The following PROCR variants were observed in gnomAD, a reference collection of about 807,000 sequenced individuals.
The protein encoded by PROCR is endothelial protein C receptor.
In PROCR, 22 loss-of-function variants were observed where a neutral mutation model predicts 24.2. The observed-to-expected ratio is 0.91, with a 90% CI of 0.65 to 1.30. PROCR has a LOEUF of 1.30. PROCR is among the 50% of genes most tolerant of loss of function. The pLI, the probability that PROCR is intolerant of heterozygous loss-of-function variation, is 0.00. For synonymous variants in PROCR, 137 were observed against 139.2 expected (o/e 0.98, Z 0.11); for missense variants, 288 against 307.7 (o/e 0.94, Z 0.48).
intron 1 of PROCR, among the ~76,000 whole-genome samples, chr20:35,212,902 T>C: frequency 6.6e-6 from 1 of 152,266 alleles, no homozygotes; most frequent in East Asian, 1.9e-4. Flanking sequence ...TGTTTTATCA[T>C]GCCCTCTTTA....
At position 35,177,253 on chromosome 20, in the gene PROCR, G is replaced by T; in HGVS notation, c.*440G>T. ...TGGGATGGGACGCTGATATAATAGG[G>T]TAGAAAGAAGTAACACGAAGAAGTG... On this transcript the variant is annotated 3_prime_UTR_variant, in exon 4 of 4. Transcript: ENST00000216968. 2 of 1,021,650 alleles carry T rather than the reference G, an allele frequency of 2.0e-6. No individual in the cohort carries two copies. Among genetic ancestry groups the T allele is most frequent in the Non-Finnish European group, 2.4e-6 (2 of 850,570 alleles). 63.3% of individuals were successfully genotyped at this position (1,021,650 alleles called of 1,614,324 possible). A position where few individuals can be genotyped will look rare whatever the true frequency, so the allele number is the denominator to read the frequency against.
At chr20:35,171,165 T>G (rs2085947635), upstream of PROCR, among the ~76,000 whole-genome samples, 1 of 152,284 alleles carries the variant, frequency 6.6e-6, no homozygotes, top group South Asian at 2.1e-4. Context: ...CCTCCCAAAG[T>G]GCCAGCAGCA....
intron 1 of PROCR, among the ~76,000 whole-genome samples, chr20:35,197,430 C>T (rs753642339): frequency 2.0e-5 from 3 of 152,136 alleles, no homozygotes; most frequent in Non-Finnish European, 4.4e-5. Context: ...TGTTCCCTCA[C>T]CTTTCTCCCT....
intron 1 of PROCR, among the ~76,000 whole-genome samples, chr20:35,211,788 A>G (rs1158915262): frequency 6.6e-6 from 1 of 152,144 alleles, no homozygotes; most frequent in Non-Finnish European, 1.5e-5. Context: ...CTGAGGCAGG[A>G]GGATCACCCG....
chr20:35,181,463 C>T (rs531618762), downstream of PROCR, among the ~76,000 whole-genome samples: 1 of 151,634 alleles, frequency 6.6e-6, no homozygotes, highest in African/African-American at 2.4e-5. Flanking sequence ...TTAGTAGTGA[C>T]GGGGTTTCAC....
chr20:35,185,498 A>G (rs1459280989), intron 1 of PROCR, among the ~76,000 whole-genome samples: 2 of 152,234 alleles, frequency 1.3e-5, no homozygotes, highest in Non-Finnish European at 2.9e-5. Flanking sequence ...ATGCCCATCA[A>G]TCAATGAATG....
At position 35,176,311 on chromosome 20, in the gene PROCR, GTCACC is replaced by G. The variant is rs1286502045; in HGVS notation, c.469_473del (p.Thr157ArgfsTer19). On this transcript the variant is annotated frameshift_variant, in exon 3 of 4. Coordinates refer to ENST00000216968, the MANE Select transcript of PROCR (RefSeq NM_006404.5). LOFTEE classifies it high-confidence loss of function. ...AGCCTTGTGGCAGGCAGACACCCAG[GTCACC>G]TCCGGAGTGGTCACCTTCACCCTGC... 6.2e-7 allele frequency: 1 copy of G among 1,614,216 alleles called. No homozygotes were observed. Among genetic ancestry groups the G allele is most frequent in the South Asian group, 1.1e-5 (1 of 91,088 alleles).
intron 1 of PROCR, among the ~76,000 whole-genome samples, chr20:35,189,036 A>G (rs772364708): frequency 2.0e-5 from 3 of 152,196 alleles, no homozygotes; most frequent in Non-Finnish European, 4.4e-5. Flanking sequence ...AGTTGTTCAT[A>G]AAGCATGTGT....
intron 2 of PROCR, 147 bp from the exon 3 acceptor site, chr20:35,176,021 C>T: frequency 2.2e-6 from 2 of 906,468 alleles, no homozygotes. Context: ...AGCCCCAGGC[C>T]CTTCTCCCCA....
intron 2 of PROCR, 118 bp from the exon 3 acceptor site, chr20:35,176,050 T>C: frequency 3.3e-6 from 4 of 1,197,588 alleles, no homozygotes; most frequent in Non-Finnish European, 4.9e-6. Flanking sequence ...TGACCTAGAC[T>C]CCCCTCTCCT....
At chr20:35,178,585 G>T (rs1199792559), downstream of PROCR, among the ~76,000 whole-genome samples, 2 of 85,742 alleles carry the variant, frequency 2.3e-5, no homozygotes, top group African/African-American at 5.2e-5. Context: ...GCGGGATCTC[G>T]GCTCACTGCA....
chr20:35,209,718 G>C (rs928213415), intron 1 of PROCR, among the ~76,000 whole-genome samples: 5 of 152,180 alleles, frequency 3.3e-5, no homozygotes, highest in African/African-American at 1.2e-4. Flanking sequence ...GGTCAACCAT[G>C]GTGGTAATTA....
intron 1 of PROCR, among the ~76,000 whole-genome samples, chr20:35,201,273 CA>C (rs1187976976): frequency 6.6e-6 from 1 of 151,216 alleles, no homozygotes. Context: ...CATTGAGAGG[CA>C]AAAAAATGGA....
At chr20:35,181,391 C>T (rs1349440391), downstream of PROCR, among the ~76,000 whole-genome samples, 2 of 152,060 alleles carry the variant, frequency 1.3e-5, no homozygotes, top group Non-Finnish European at 2.9e-5. Flanking sequence ...TCTCCTACCT[C>T]AGCCTCCCAA....
At chr20:35,171,342 T>C (rs780054960), upstream of PROCR, among the ~76,000 whole-genome samples, 3 of 152,172 alleles carry the variant, frequency 2.0e-5, no homozygotes, top group African/African-American at 7.2e-5. Flanking sequence ...TTACTAAGGG[T>C]GACGCGCTGA....
intron 1 of PROCR, among the ~76,000 whole-genome samples, chr20:35,197,677 C>T (rs1196871862): frequency 1.3e-5 from 2 of 151,436 alleles, no homozygotes; most frequent in Admixed American, 6.6e-5. Context: ...CAAAAATTAG[C>T]CTGGCATGGT....
At chr20:35,211,620 A>G (rs1246813442) in intron 1 of PROCR, among the ~76,000 whole-genome samples, 1 of 152,216 alleles carries the variant, frequency 6.6e-6, no homozygotes, top group Non-Finnish European at 1.5e-5. Context: ...TAGGTAATGT[A>G]TGAGGTGCCA....
intron 1 of PROCR, among the ~76,000 whole-genome samples, chr20:35,213,252 G>T (rs967092048): frequency 1.3e-5 from 2 of 152,038 alleles, no homozygotes; most frequent in Admixed American, 1.3e-4. Flanking sequence ...AGAATCGCTT[G>T]AACCAAGGAA....
At position 35,203,853 on chromosome 20, in the gene PROCR, A is replaced by G. The variant is rs75332357; in HGVS notation, c.95-12040A>G. 2.7e-3 allele frequency among the ~76,000 whole-genome samples: 414 copies of G among 152,130 alleles called. 2 individuals are homozygous for G. The highest frequency in any genetic ancestry group is 9.4e-3 in the African/African-American group (390 of 41,550). On this transcript the variant is annotated intron_variant, in intron 1 of 1. Coordinates refer to the PROCR transcript ENST00000634509. ...ATAGAAAAAAGAAAGGCCTCAAATC[A>G]TACTCTAAGCTTCTACCTTAAGAAA...
Sources: gnomAD v4.1 joint callset for allele counts (sites outside exome capture counted in the v4.1 genomes callset) on GRCh38, gnomAD v4.1.1 for gene constraint, MANE v1.5 for transcripts, NCBI Gene and HGNC (gene_info 2026-07-23, HGNC 2026-07-21) for gene names.